The following ASIC2 variants were observed in gnomAD, a reference collection of about 807,000 sequenced individuals.
ASIC2 encodes acid-sensing ion channel 2.
ASIC2 carries 25 observed loss-of-function variants against 57.3 expected under a neutral mutation model. The ratio of observed to expected loss-of-function variants is 0.44; its 90% CI spans 0.32 to 0.61. The LOEUF (loss-of-function observed/expected upper bound fraction) is 0.61, where lower values mean the gene tolerates loss of function less well. Among genes scored for constraint, ASIC2 ranks in the 20% least tolerant of loss-of-function variants. The pLI, the probability that ASIC2 is intolerant of heterozygous loss-of-function variation, is 0.06. For synonymous variants in ASIC2, 319 were observed against 307.5 expected (o/e 1.04, Z -0.39); for missense variants, 641 against 738.1 (o/e 0.87, Z 1.52).
chr17:33,167,723 A>G (rs1311096285), intron 1 of ASIC2, among the ~76,000 whole-genome samples: 1 of 152,236 alleles, frequency 6.6e-6, no homozygotes, highest in African/African-American at 2.4e-5. Flanking sequence ...CAGCAAAACT[A>G]GATGATCTGC....
At chr17:34,072,840 C>T (rs759726251) in intron 1 of ASIC2, among the ~76,000 whole-genome samples, 51 of 152,140 alleles carry the variant, frequency 3.4e-4, no homozygotes, top group Non-Finnish European at 2.5e-4. Context: ...CTTTTTTCTA[C>T]TCTTGGACGT....
intron 1 of ASIC2, among the ~76,000 whole-genome samples, chr17:33,248,386 G>C (rs1908766553): frequency 6.6e-6 from 1 of 152,226 alleles, no homozygotes; most frequent in Non-Finnish European, 1.5e-5. Context: ...CGTTGAATGA[G>C]AGAGGCAGCC....
chr17:33,582,170 G>A (rs1403400140), intron 1 of ASIC2, among the ~76,000 whole-genome samples: 2 of 152,198 alleles, frequency 1.3e-5, no homozygotes, highest in Non-Finnish European at 2.9e-5. Context: ...TGTCGAAAAT[G>A]AATGTAATCT....
chr17:33,388,766 T>G (rs1419102884), intron 1 of ASIC2, among the ~76,000 whole-genome samples: 1 of 152,180 alleles, frequency 6.6e-6, no homozygotes, highest in African/African-American at 2.4e-5. Context: ...TGCCCCACAA[T>G]TTCAGTGACT....
chr17:33,671,965 C>T (rs939486473), intron 1 of ASIC2, among the ~76,000 whole-genome samples: 2 of 152,128 alleles, frequency 1.3e-5, no homozygotes, highest in Non-Finnish European at 2.9e-5. Context: ...ATTGAAATTG[C>T]ACTCTTCTTG....
At chr17:33,574,562 TC>T (rs1286089197) in intron 1 of ASIC2, among the ~76,000 whole-genome samples, 1 of 152,164 alleles carries the variant, frequency 6.6e-6, no homozygotes. Flanking sequence ...GCAAATTCTC[TC>T]CCACAACAGT....
At chr17:33,689,086 G>A (rs1254790181) in intron 1 of ASIC2, 1 of 152,224 alleles carries the variant, frequency 6.6e-6, no homozygotes, top group Non-Finnish European at 1.5e-5. Context: ...AGAGTGCGAA[G>A]ATAAGTTGTT....
chr17:33,530,360 CT>C (rs1915013691), intron 1 of ASIC2, among the ~76,000 whole-genome samples: 1 of 152,230 alleles, frequency 6.6e-6, no homozygotes, highest in Admixed American at 6.5e-5. Flanking sequence ...TCCTTTATTC[CT>C]AGCATGCTTG....
chr17:33,078,152 T>C (rs1438743281), intron 3 of ASIC2, among the ~76,000 whole-genome samples: 1 of 151,862 alleles, frequency 6.6e-6, no homozygotes, highest in Non-Finnish European at 1.5e-5. Context: ...CCATAGACAT[T>C]AGGGCTCCTT....
intron 1 of ASIC2, among the ~76,000 whole-genome samples, chr17:33,377,069 G>C (rs1380243296): frequency 1.3e-5 from 2 of 152,116 alleles, no homozygotes; most frequent in African/African-American, 4.8e-5. Flanking sequence ...GGGGGGAGCG[G>C]AGATGGAGTC....
chr17:33,454,899 G>A (rs1425862278), intron 1 of ASIC2, among the ~76,000 whole-genome samples: 2 of 152,172 alleles, frequency 1.3e-5, no homozygotes, highest in Non-Finnish European at 2.9e-5. Context: ...ATTCACTAAG[G>A]TGGTAGTGCT....
intron 1 of ASIC2, among the ~76,000 whole-genome samples, chr17:33,512,346 A>G (rs1914453143): frequency 1.3e-5 from 2 of 152,226 alleles, no homozygotes; most frequent in South Asian, 4.1e-4. Flanking sequence ...GAGGGACAGA[A>G]GCTTCTCCAT....
intron 1 of ASIC2, among the ~76,000 whole-genome samples, chr17:33,542,077 T>C (rs761771595): frequency 1.4e-4 from 22 of 152,252 alleles, no homozygotes; most frequent in Non-Finnish European, 2.6e-4. Flanking sequence ...CTTAAATACT[T>C]GACTCCTTTG....
chr17:33,859,000 T>C (rs888775756), intron 1 of ASIC2, among the ~76,000 whole-genome samples: 4 of 152,214 alleles, frequency 2.6e-5, no homozygotes, highest in Admixed American at 6.5e-5. Context: ...GAAACTGCCA[T>C]TGAAAAGATA....
rs546226611 is a variant in ASIC2, at chr17:33,232,893, C to A, written c.708+58515G>T. ...TATTGTGCTTTGTCCTGGGGGTCTT[C>A]TTCCTCTGGAGCGATGCATTCTTGT... On this transcript the variant is annotated intron_variant, in intron 1 of 9. Transcript: ENST00000225823. Among the ~76,000 whole-genome samples the A allele has an allele frequency of 6.8e-4, 104 of 152,332 alleles. 3 individuals are homozygous for A. The highest frequency in any genetic ancestry group is 5.8e-3 in the Admixed American group (89 of 15,304).
At chr17:34,139,047 A>G (rs1304266304) in intron 1 of ASIC2, among the ~76,000 whole-genome samples, 1 of 152,186 alleles carries the variant, frequency 6.6e-6, no homozygotes, top group African/African-American at 2.4e-5. Context: ...CTATTTTGAA[A>G]CCTCTAATGA....
intron 1 of ASIC2, among the ~76,000 whole-genome samples, chr17:33,493,365 C>G (rs4589606): frequency 0.69 from 104,759 of 152,076 alleles, 37,109 homozygotes; most frequent in African/African-American, 0.86. Flanking sequence ...AATATGGAGA[C>G]ATCTGGGATA....
At chr17:33,637,907 G>A (rs1378919735) in intron 1 of ASIC2, among the ~76,000 whole-genome samples, 5 of 152,140 alleles carry the variant, frequency 3.3e-5, no homozygotes, top group Admixed American at 6.5e-5. Flanking sequence ...ATAGTTTGGC[G>A]GATGAGGGGC....
chr17:33,506,309 A>T lies in ASIC2; in HGVS notation c.556-394242T>A, dbSNP rs942876639. On this transcript the variant is annotated intron_variant, in intron 1 of 9. Coordinates refer to the ASIC2 transcript ENST00000359872. ...GCGCCTGTAGTCCCAGCTACTCGGGAGGCTGAGGCCGGCGAATGGTGTGAA... is the reference window on the plus strand; with the variant it reads ...GCGCCTGTAGTCCCAGCTACTCGGGTGGCTGAGGCCGGCGAATGGTGTGAA... Among the ~76,000 whole-genome samples the T allele has an allele frequency of 2.7e-5, 4 of 150,588 alleles. No individual in the cohort carries two copies. In the East Asian group the frequency reaches 7.9e-4, roughly 30 times the overall value.
Sources: gnomAD v4.1 joint callset for allele counts (sites outside exome capture counted in the v4.1 genomes callset) on GRCh38, gnomAD v4.1.1 for gene constraint, MANE v1.5 for transcripts, NCBI Gene and HGNC (gene_info 2026-07-23, HGNC 2026-07-21) for gene names.